NRG3: variants seen among roughly 807,000 people sequenced by gnomAD.
NRG3 encodes the protein neuregulin 3, also known as pro-neuregulin-3, membrane-bound isoform.
In NRG3, 31 loss-of-function variants were observed where a neutral mutation model predicts 66.9. The ratio of observed to expected loss-of-function variants is 0.46; its 90% CI spans 0.35 to 0.63. The LOEUF (loss-of-function observed/expected upper bound fraction) is 0.63, where lower values mean the gene tolerates loss of function less well. NRG3 is among the 20% of genes least tolerant of loss of function. The pLI is 0.00. For synonymous variants in NRG3, 393 were observed against 359.4 expected (o/e 1.09, Z -1.06); for missense variants, 910 against 878.9 (o/e 1.04, Z -0.45).
In NRG3 at chr10:82,985,314, G is replaced by A; in HGVS notation, c.1800G>A (p.Trp600Ter). Residue 600 changes from tryptophan to a stop codon, truncating the protein, a stop_gained, in exon 9 of 9, where the codon TGG (tryptophan) becomes TGA (stop). Coordinates refer to ENST00000372141, the MANE Select transcript of NRG3 (RefSeq NM_001010848.4). LOFTEE classifies it high-confidence loss of function. ...PGISEVKSIK[W>*]CKNSYSADVV... ...TTTCTGAAGTCAAAAGCATCAAATG[G>A]TGCAAAAACTCCTATTCAGCTGACG... 6.2e-7 allele frequency: 1 copy of A among 1,614,118 alleles called. No individual in the cohort carries two copies. The highest frequency in any genetic ancestry group is 1.1e-5 in the South Asian group (1 of 91,080).
At chr10:81,966,054 G>A (rs866437031) in intron 1 of NRG3, among the ~76,000 whole-genome samples, 1 of 151,776 alleles carries the variant, frequency 6.6e-6, no homozygotes, top group South Asian at 2.1e-4. Flanking sequence ...AATTTAAGTA[G>A]TTTTTTCATG....
At chr10:81,905,447 C>T (rs1333637518) in intron 1 of NRG3, among the ~76,000 whole-genome samples, 1 of 152,188 alleles carries the variant, frequency 6.6e-6, no homozygotes, top group African/African-American at 2.4e-5. Flanking sequence ...TATTACCGGG[C>T]ATTTTTTTCT....
At chr10:82,922,894 G>A (rs777131852) in intron 4 of NRG3, among the ~76,000 whole-genome samples, 5 of 151,998 alleles carry the variant, frequency 3.3e-5, no homozygotes, top group African/African-American at 7.3e-5. Flanking sequence ...AATTGCAATC[G>A]TATGAGTCAT....
Position 82,370,356 on chromosome 10 carries a change from T to C in NRG3, c.953+11488T>C, listed in dbSNP as rs562787668. On this transcript the variant is annotated intron_variant, in intron 2 of 8. Transcript: ENST00000372141. ...TGGCCAGCCTCCTCCAGTCACCCCCTGCTGAACTCCCCTCAGCATCCAGAC... is the reference window on the plus strand; with the variant it reads ...TGGCCAGCCTCCTCCAGTCACCCCCCGCTGAACTCCCCTCAGCATCCAGAC... 1.8e-3 allele frequency among the ~76,000 whole-genome samples: 244 copies of C among 137,920 alleles called. 67 individuals carry two copies. Among genetic ancestry groups the C allele is most frequent in the African/African-American group, 7.7e-3 (229 of 29,606 alleles). 90.5% of individuals were successfully genotyped at this position (137,920 alleles called of 152,430 possible). A position where few individuals can be genotyped will look rare whatever the true frequency, so the allele number is the denominator to read the frequency against.
chr10:82,221,507 C>T (rs2075942723), intron 1 of NRG3, among the ~76,000 whole-genome samples: 1 of 152,132 alleles, frequency 6.6e-6, no homozygotes, highest in Non-Finnish European at 1.5e-5. Flanking sequence ...CCTGCCAGGA[C>T]TCGTTTCCTT....
intron 1 of NRG3, among the ~76,000 whole-genome samples, chr10:82,284,769 C>T (rs969757409): frequency 6.6e-6 from 1 of 152,060 alleles, no homozygotes; most frequent in Admixed American, 6.5e-5. Flanking sequence ...CATCACTTCA[C>T]CTTAGGATGT....
At chr10:82,162,711 G>A (rs1482818354) in intron 1 of NRG3, among the ~76,000 whole-genome samples, 2 of 152,122 alleles carry the variant, frequency 1.3e-5, no homozygotes, top group Admixed American at 1.3e-4. Flanking sequence ...CAGCAACGGA[G>A]ATATGTAACT....
At chr10:82,625,286 C>T (rs2049337443) in intron 2 of NRG3, among the ~76,000 whole-genome samples, 1 of 151,658 alleles carries the variant, frequency 6.6e-6, no homozygotes, top group Non-Finnish European at 1.5e-5. Context: ...TCCTACACTG[C>T]TTTTAGTTAG....
chr10:82,162,201 C>T (rs1012922126), intron 1 of NRG3, among the ~76,000 whole-genome samples: 6 of 152,080 alleles, frequency 3.9e-5, no homozygotes, highest in Admixed American at 1.3e-4. Context: ...CAAGTGAACA[C>T]TAGTTTCCAG....
chr10:82,056,458 G>C (rs545757030), intron 1 of NRG3, among the ~76,000 whole-genome samples: 2 of 152,278 alleles, frequency 1.3e-5, no homozygotes, highest in African/African-American at 4.8e-5. Flanking sequence ...TACAATTATA[G>C]AAGTGAGGGG....
chr10:82,218,214 T>C (rs968206306), intron 1 of NRG3, among the ~76,000 whole-genome samples: 2 of 152,204 alleles, frequency 1.3e-5, no homozygotes, highest in African/African-American at 4.8e-5. Context: ...GGCTATTTTA[T>C]ATAAGAATTT....
At chr10:82,078,331 G>A (rs2065205025) in intron 1 of NRG3, among the ~76,000 whole-genome samples, 1 of 151,878 alleles carries the variant, frequency 6.6e-6, no homozygotes, top group African/African-American at 2.4e-5. Context: ...TCTTTGTGGA[G>A]AGTGCTCTAC....
intron 1 of NRG3, among the ~76,000 whole-genome samples, chr10:81,975,239 C>G (rs1198219481): frequency 6.6e-6 from 1 of 151,968 alleles, no homozygotes; most frequent in Admixed American, 6.6e-5. Flanking sequence ...GAAACAATCC[C>G]CTATATCAGT....
chr10:82,052,017 A>G (rs904306389), intron 1 of NRG3, among the ~76,000 whole-genome samples: 1 of 145,256 alleles, frequency 6.9e-6, no homozygotes, highest in African/African-American at 2.5e-5. Flanking sequence ...GCTGGGAGCC[A>G]CATACCGCAT....
rs1466039440 is a variant in NRG3, at chr10:82,553,353, T to A, written c.954-185224T>A. Among the ~76,000 whole-genome samples, 3 of 152,216 alleles carry A rather than the reference T, an allele frequency of 2.0e-5. No individual in the cohort carries two copies. The East Asian group carries it at 5.8e-4, about 29-fold the overall frequency. On this transcript the variant is annotated intron_variant, in intron 2 of 8. Transcript: ENST00000372141. ...CACCCCCCACACAATCACCACTTCA[T>A]GTTTTCTAAGATGGGTATATTTGCA... is the stretch of plus-strand genomic sequence containing the variant.
At chr10:82,248,264 A>G (rs1564708412) in intron 1 of NRG3, among the ~76,000 whole-genome samples, 1 of 152,140 alleles carries the variant, frequency 6.6e-6, no homozygotes, top group East Asian at 1.9e-4. Context: ...GAAATCCTCT[A>G]TACTGTGGCA....
intron 1 of NRG3, among the ~76,000 whole-genome samples, chr10:81,899,464 A>G (rs772257805): frequency 2.0e-5 from 3 of 152,242 alleles, no homozygotes; most frequent in Admixed American, 6.5e-5. Flanking sequence ...TGAAACATCC[A>G]TCATGATTCC....
intron 1 of NRG3, among the ~76,000 whole-genome samples, chr10:82,217,487 A>T (rs1564674751): frequency 6.6e-6 from 1 of 152,170 alleles, no homozygotes; most frequent in African/African-American, 2.4e-5. Flanking sequence ...GGTTATTCTG[A>T]TTCCACCTAA....
intron 1 of NRG3, among the ~76,000 whole-genome samples, chr10:82,080,954 C>A (rs1321127838): frequency 1.3e-5 from 2 of 152,172 alleles, no homozygotes; most frequent in African/African-American, 4.8e-5. Flanking sequence ...TACTTTCTGT[C>A]TCTATGAATT....
Sources: gnomAD v4.1 joint callset for allele counts (sites outside exome capture counted in the v4.1 genomes callset) on GRCh38, gnomAD v4.1.1 for gene constraint, MANE v1.5 for transcripts, NCBI Gene and HGNC (gene_info 2026-07-23, HGNC 2026-07-21) for gene names.